The following EXOC4 variants were observed in gnomAD, a reference collection of about 807,000 sequenced individuals.
EXOC4 encodes the protein exocyst complex component 4.
Under a neutral mutation model 107.2 loss-of-function variants are expected in EXOC4, and 71 were observed. The observed-to-expected ratio is 0.66, with a 90% CI of 0.55 to 0.81. The LOEUF (loss-of-function observed/expected upper bound fraction) is 0.81, where lower values mean the gene tolerates loss of function less well. EXOC4 is among the 30% of genes least tolerant of loss of function. The pLI is 0.00. For missense variants in EXOC4, 1,108 were observed against 1,189.6 expected, an observed-to-expected ratio of 0.93 and a Z score of 1.01; for synonymous variants, 456 against 441.2, an observed-to-expected ratio of 1.03 and a Z score of -0.42.
At chr7:133,640,383 C>T (rs1190914042) in intron 10 of EXOC4, among the ~76,000 whole-genome samples, 1 of 152,100 alleles carries the variant, frequency 6.6e-6, no homozygotes, top group Non-Finnish European at 1.5e-5. Context: ...TTATGTTAGT[C>T]ATTGTGTCAG....
At chr7:133,264,104 TA>T (rs1793653912) in intron 1 of EXOC4, among the ~76,000 whole-genome samples, 1 of 151,838 alleles carries the variant, frequency 6.6e-6, no homozygotes, top group Non-Finnish European at 1.5e-5. Context: ...GAAGTAAGAG[TA>T]GGGGGTAGAT....
chr7:133,271,808 G>T (rs930454764), intron 1 of EXOC4, among the ~76,000 whole-genome samples: 2 of 152,136 alleles, frequency 1.3e-5, no homozygotes, highest in African/African-American at 4.8e-5. Context: ...TGTGTCTTCT[G>T]CCAGCACCTG....
intron 12 of EXOC4, among the ~76,000 whole-genome samples, chr7:133,899,712 G>A (rs1413602673): frequency 1.3e-5 from 2 of 149,182 alleles, no homozygotes; most frequent in Non-Finnish European, 3.0e-5. Context: ...AAAAAGGAGT[G>A]CCCCAGAGTA....
At chr7:133,496,668 T>G (rs1269566084) in intron 9 of EXOC4, among the ~76,000 whole-genome samples, 1 of 152,216 alleles carries the variant, frequency 6.6e-6, no homozygotes, top group Non-Finnish European at 1.5e-5. Context: ...TGGTTTTCTA[T>G]TTTGAATGAT....
At chr7:133,866,423 G>A (rs75976953) in intron 11 of EXOC4, among the ~76,000 whole-genome samples, 3,870 of 152,160 alleles carry the variant, frequency 0.025, 85 homozygotes, top group Non-Finnish European at 0.036. Flanking sequence ...AAGGAATAGG[G>A]GCACAGGTGT....
intron 13 of EXOC4, among the ~76,000 whole-genome samples, chr7:133,927,799 T>G (rs554569792): frequency 3.3e-5 from 5 of 152,292 alleles, no homozygotes; most frequent in Admixed American, 3.3e-4. Context: ...GCCAGGCAAG[T>G]CTGGATGAGA....
intron 17 of EXOC4, among the ~76,000 whole-genome samples, chr7:134,042,795 T>C (rs1382377151): frequency 6.6e-6 from 1 of 152,210 alleles, no homozygotes; most frequent in Non-Finnish European, 1.5e-5. Flanking sequence ...CCCAGCACTT[T>C]GGGAGACTGA....
the EXOC4 span, among the ~76,000 whole-genome samples, chr7:134,094,243 C>A: frequency 6.6e-6 from 1 of 152,112 alleles, no homozygotes; most frequent in African/African-American, 2.4e-5. Context: ...TATAACTGAT[C>A]CCCCAGAAAT....
chr7:133,329,533 A>G (rs1161002), intron 5 of EXOC4, among the ~76,000 whole-genome samples: 150,792 of 152,320 alleles, frequency 0.99, 74,652 homozygotes, highest in East Asian at 1. Context: ...GCCATTTTGC[A>G]TTGGTTTCAC....
At chr7:133,372,522 CT>C (rs1796399448) in intron 6 of EXOC4, among the ~76,000 whole-genome samples, 1 of 151,678 alleles carries the variant, frequency 6.6e-6, no homozygotes, top group Non-Finnish European at 1.5e-5. Flanking sequence ...TGAATCTCAT[CT>C]TACACCTCTA....
At chr7:134,004,842 T>C (rs1267823681) in intron 15 of EXOC4, 70 bp from the exon 16 acceptor site, 1 of 1,297,154 alleles carries the variant, frequency 7.7e-7, no homozygotes, top group Non-Finnish European at 1.1e-6. Context: ...TTTGGTGCTC[T>C]GTCCCAAGAT....
At chr7:133,783,102 A>G (rs1796501065) in intron 10 of EXOC4, among the ~76,000 whole-genome samples, 1 of 152,220 alleles carries the variant, frequency 6.6e-6, no homozygotes, top group Non-Finnish European at 1.5e-5. Flanking sequence ...AGCAATTCAT[A>G]TAATGCCTGA....
chr7:133,748,183 C>G (rs1195646241), intron 10 of EXOC4, among the ~76,000 whole-genome samples: 1 of 152,116 alleles, frequency 6.6e-6, no homozygotes, highest in Non-Finnish European at 1.5e-5. Flanking sequence ...TTTCACTGAT[C>G]AATTATTGAC....
At chr7:133,336,618 A>G (rs1168579016) in intron 5 of EXOC4, among the ~76,000 whole-genome samples, 2 of 150,094 alleles carry the variant, frequency 1.3e-5, no homozygotes, top group African/African-American at 4.9e-5. Flanking sequence ...GGTATGTTTA[A>G]GGTTTATTTT....
intron 9 of EXOC4, among the ~76,000 whole-genome samples, chr7:133,562,703 T>A (rs767137431): frequency 9.9e-5 from 15 of 152,214 alleles, no homozygotes; most frequent in Non-Finnish European, 2.1e-4. Context: ...ACTGAGTCAT[T>A]GTAGTTTCTA....
chr7:133,563,817 G>A lies in EXOC4; in HGVS notation c.1418-66228G>A, dbSNP rs1405738106. On this transcript the variant is annotated intron_variant, in intron 9 of 17. Transcript: ENST00000253861. ...TTACGTGAATTACAAATTGGGTAAA[G>A]ATAGAAATTTGTTTCTACAGAACTG... 2.0e-5 allele frequency among the ~76,000 whole-genome samples: 3 copies of A among 152,202 alleles called. No homozygotes were observed. The East Asian group carries it at 5.8e-4, about 29-fold the overall frequency.
At chr7:134,088,153 A>C in the EXOC4 span, among the ~76,000 whole-genome samples, 8 of 152,138 alleles carry the variant, frequency 5.3e-5, no homozygotes, top group African/African-American at 1.9e-4. Flanking sequence ...GACAAGGTAC[A>C]AGGCCAGTTT....
chr7:133,661,579 C>T (rs182711130), intron 10 of EXOC4, among the ~76,000 whole-genome samples: 31 of 149,492 alleles, frequency 2.1e-4, no homozygotes, highest in Admixed American at 1.1e-3. Context: ...TTCCATCTCT[C>T]GGCTTTGGAG....
chr7:133,440,955 C>A (rs1202419315), intron 7 of EXOC4, among the ~76,000 whole-genome samples: 1 of 151,380 alleles, frequency 6.6e-6, no homozygotes, highest in Non-Finnish European at 1.5e-5. Context: ...TCTGTGGACT[C>A]ACCCTGAATT....
Sources: allele counts gnomAD v4.1 joint callset (sites outside exome capture counted in the v4.1 genomes callset), GRCh38; gene constraint gnomAD v4.1.1; transcripts MANE v1.5; gene names NCBI Gene and HGNC (gene_info 2026-07-23, HGNC 2026-07-21).